Variants in MS4A2 observed in about 807,000 individuals in gnomAD.
MS4A2 encodes high affinity immunoglobulin epsilon receptor subunit beta.
A neutral mutation model predicts 27.9 loss-of-function variants in MS4A2; 26 were observed. The ratio of observed to expected loss-of-function variants is 0.93; its 90% confidence interval spans 0.68 to 1.29. The LOEUF (loss-of-function observed/expected upper bound fraction) is 1.29. Among genes scored for constraint, MS4A2 ranks in the 50% most tolerant of loss-of-function variants. MS4A2 has a pLI of 0.00. For missense variants in MS4A2, 284 were observed against 284.6 expected (o/e 1.00, Z 0.01); for synonymous variants, 110 against 98.8 (o/e 1.11, Z -0.67).
At chr11:60,090,252 C>A in intron 2 of MS4A2, 84 bp from the exon 3 acceptor site, 1 of 1,383,844 alleles carries the variant, frequency 7.2e-7, no homozygotes, top group Non-Finnish European at 1.0e-6. Context: ...CGCAGTTTCT[C>A]ATGTTTGGCT....
chr11:60,089,850 G>C (rs201265610), intron 2 of MS4A2, 29 bp downstream of exon 2: 1 of 1,613,334 alleles, frequency 6.2e-7, no homozygotes, highest in Non-Finnish European at 8.5e-7. Flanking sequence ...ACTTTGACTA[G>C]AGTAAGGGTT....
intron 2 of MS4A2, 146 bp from the exon 3 acceptor site, chr11:60,090,190 T>C: frequency 2.4e-6 from 2 of 834,888 alleles, no homozygotes; most frequent in Non-Finnish European, 3.9e-6. Flanking sequence ...GGCTAGGGTA[T>C]CCTGGAAAAT....
intron 4 of MS4A2, 137 bp downstream of exon 4, chr11:60,092,985 T>C (rs1322323713): frequency 1.1e-6 from 1 of 898,362 alleles, no homozygotes; most frequent in Non-Finnish European, 1.8e-6. Flanking sequence ...CAATCTATTT[T>C]GTGTCCTAAG....
At chr11:60,092,313 T>C (rs80257619) in intron 3 of MS4A2, among the ~76,000 whole-genome samples, 1 of 150,714 alleles carries the variant, frequency 6.6e-6, no homozygotes. Context: ...TTTTTTTTTT[T>C]AGATGGAGTC....
At chr11:60,088,416 C>A (rs1012815310), upstream of MS4A2, 1 of 229,820 alleles carries the variant, frequency 4.4e-6, no homozygotes, top group Non-Finnish European at 8.5e-6. Flanking sequence ...TTCTTTTCTG[C>A]AGTTCTTTCT....
rs537792456 is a variant in MS4A2 at position 60,097,331 on chromosome 11, C to T, written c.*1675C>T. 6.6e-6 allele frequency: 1 copy of T among 152,176 alleles called. No individual in the cohort carries two copies. Among genetic ancestry groups the T allele is most frequent in the Non-Finnish European group, 1.5e-5 (1 of 68,036 alleles). 9.4% of individuals were successfully genotyped at this position (152,176 alleles called of 1,614,324 possible). On this transcript the variant is annotated 3_prime_UTR_variant, in exon 7 of 7. Transcript: ENST00000278888. ...ATCCATCAGAGACAGTATCTCTAGG[C>T]TTGGGCAAGAGAAAAGTCCACAGTG...
chr11:60,091,675 GT>G (rs1372587687), intron 3 of MS4A2, among the ~76,000 whole-genome samples: 15 of 152,248 alleles, frequency 9.9e-5, no homozygotes, highest in African/African-American at 3.6e-4. Flanking sequence ...GATTCTTCAA[GT>G]TTTTTCTTTA....
chr11:60,095,668 C>T lies in MS4A2; in HGVS notation c.*12C>T, dbSNP rs1490792256. On this transcript the variant is annotated 3_prime_UTR_variant, in exon 7 of 7. Coordinates refer to ENST00000278888, the MANE Select transcript of MS4A2 (RefSeq NM_000139.5). ...CCATTGATTTATAAGAATCACGTGT[C>T]CAGAACACTCTGATTCACAGCCAAG... 1 of 1,552,038 alleles carries T rather than the reference C, an allele frequency of 6.4e-7. No individual in the cohort carries two copies. The highest frequency in any genetic ancestry group is 8.9e-7 in the Non-Finnish European group (1 of 1,123,968).
intron 4 of MS4A2, 81 bp downstream of exon 4, chr11:60,092,929 C>A: frequency 3.1e-6 from 4 of 1,298,324 alleles, no homozygotes; most frequent in Non-Finnish European, 4.4e-6. Context: ...GGAAACACAT[C>A]TTTGTCTCCT....
intron 3 of MS4A2, among the ~76,000 whole-genome samples, chr11:60,091,434 A>AGACACACATGAAAACATCACCACATT (rs1211570097): frequency 1.3e-5 from 2 of 152,174 alleles, no homozygotes; most frequent in Non-Finnish European, 2.9e-5. Context: ...TGACACACAT[A>AGACACACATGAAAACATCACCACATT]GACACACATG....
At position 60,097,800 on chromosome 11, in the gene MS4A2, G is replaced by C. The variant is rs1855895776; in HGVS notation, c.*2144G>C. The stretch of plus-strand genomic sequence containing the variant: ...CACACAACAAATAATTAAGTGACTT[G>C]GTATGCTTTATTTAATTGTAGGGCC... On this transcript the variant is annotated 3_prime_UTR_variant, in exon 7 of 7. Coordinates refer to ENST00000278888, the MANE Select transcript of MS4A2 (RefSeq NM_000139.5). The C allele has an allele frequency of 6.6e-6, 1 of 152,100 alleles. No individual in the cohort carries two copies. Among genetic ancestry groups the C allele is most frequent in the Non-Finnish European group, 1.5e-5 (1 of 67,996 alleles). 9.4% of individuals were successfully genotyped at this position (152,100 alleles called of 1,614,324 possible).
rs17860459 is a variant in MS4A2 at position 60,095,557 on chromosome 11, G to A, written c.637-1G>A. On this transcript the variant is annotated splice_acceptor_variant, in intron 6 of 6. Transcript: ENST00000278888. LOFTEE classifies it high-confidence loss of function. ...ATATGAAATGATTTTTCCCTTATCA[G>A]GTTCCAGAGGATCGTGTTTATGAAG... 2,365 of 1,598,010 alleles carry A rather than the reference G, an allele frequency of 1.5e-3. 16 individuals are homozygous for A. The highest frequency in any genetic ancestry group is 9.0e-4 in the Non-Finnish European group (1,048 of 1,165,384).
chr11:60,093,732 C>A (rs1855814122), intron 5 of MS4A2, 174 bp downstream of exon 5: 2 of 983,378 alleles, frequency 2.0e-6, no homozygotes, highest in Non-Finnish European at 1.6e-6. Context: ...TCCCCTCAAC[C>A]CAGGCAAATT....
chr11:60,088,671 T>C lies in MS4A2; in HGVS notation c.-95T>C. 6.4e-7 allele frequency: 1 copy of C among 1,551,952 alleles called. No homozygotes were observed. The highest frequency in any genetic ancestry group is 8.7e-7 in the Non-Finnish European group (1 of 1,146,896). On this transcript the variant is annotated 5_prime_UTR_variant, in exon 1 of 7. Coordinates refer to ENST00000278888, the MANE Select transcript of MS4A2 (RefSeq NM_000139.5). ...TCATCAATGTCATGAGGTAACCCATTTCAACTGCCTATTCAGAGCATGCAG... is the reference window on the plus strand; with the variant it reads ...TCATCAATGTCATGAGGTAACCCATCTCAACTGCCTATTCAGAGCATGCAG...
At chr11:60,089,626 T>A in intron 1 of MS4A2, 66 bp from the exon 2 acceptor site, 2 of 1,604,710 alleles carry the variant, frequency 1.2e-6, no homozygotes, top group Non-Finnish European at 1.7e-6. Flanking sequence ...CCTTTCTGTC[T>A]GTCGAGAATG....
chr11:60,089,554 T>G lies in MS4A2; in HGVS notation c.57-138T>G, dbSNP rs186583830. On this transcript the variant is annotated intron_variant, in intron 1 of 6. Coordinates refer to ENST00000278888, the MANE Select transcript of MS4A2 (RefSeq NM_000139.5). ...TACTTGGATGCTCTGAGCTTTAGTT[T>G]CTTGGTGATTACAATGAAGATTTGA... is the stretch of plus-strand genomic sequence containing the variant. The G allele has an allele frequency of 1.0e-4, 120 of 1,161,576 alleles. 1 individual carries two copies. In the East Asian group the frequency reaches 2.3e-3, roughly 22 times the overall value. The allele number at this position is 1,161,576 out of a possible 1,614,324, so 72.0% of individuals were successfully genotyped here. A position where few individuals can be genotyped will look rare whatever the true frequency, so the allele number is the denominator to read the frequency against.
rs1434249398 is a variant in MS4A2 at position 60,088,666 on chromosome 11, C to T, written c.-100C>T. 6.5e-7 allele frequency: 1 copy of T among 1,549,518 alleles called. No homozygotes were observed. Among genetic ancestry groups the T allele is most frequent in the Non-Finnish European group, 8.7e-7 (1 of 1,145,966 alleles). On this transcript the variant is annotated 5_prime_UTR_variant, in exon 1 of 7. Coordinates refer to ENST00000278888, the MANE Select transcript of MS4A2 (RefSeq NM_000139.5). ...GAGAATCATCAATGTCATGAGGTAA[C>T]CCATTTCAACTGCCTATTCAGAGCA...
Position 60,093,419 on chromosome 11 carries a change from C to A in MS4A2, c.398C>A (p.Ala133Glu). ...ATYLVRGSLG[A>E]NTASSIAGGT... ...TATCAGGTGAGAGGAAGCCTGGGAG[C>A]AAACACTGCCAGCAGCATAGCTGGG... Residue 133 changes from alanine to glutamate, a missense_variant, in exon 5 of 7, where the codon GCA becomes GAA. By Grantham distance (107) the Ala-to-Glu change is moderately radical (BLOSUM62 -1). Coordinates refer to ENST00000278888, the MANE Select transcript of MS4A2 (RefSeq NM_000139.5). 1 of 1,614,164 alleles carries A rather than the reference C, an allele frequency of 6.2e-7. No homozygotes were observed. Among genetic ancestry groups the A allele is most frequent in the Non-Finnish European group, 8.5e-7 (1 of 1,180,034 alleles).
chr11:60,093,624 TCTC>T, intron 5 of MS4A2, 66 bp downstream of exon 5: 1 of 1,583,212 alleles, frequency 6.3e-7, no homozygotes, highest in Non-Finnish European at 8.7e-7. Flanking sequence ...GAAGCCCTCT[TCTC>T]CTGTTCCATG....
Sources: allele counts gnomAD v4.1 joint callset (sites outside exome capture counted in the v4.1 genomes callset), GRCh38; gene constraint gnomAD v4.1.1; transcripts MANE v1.5; gene names NCBI Gene and HGNC (gene_info 2026-07-23, HGNC 2026-07-21).